Variants in MKNK2 observed in about 807,000 individuals in gnomAD.
MKNK2 encodes MAPK interacting serine/threonine kinase 2, also known as MAP kinase-interacting serine/threonine-protein kinase 2.
In MKNK2, 54 loss-of-function variants were observed where a neutral mutation model predicts 55.0. The ratio of observed to expected loss-of-function variants is 0.98; its 90% confidence interval spans 0.79 to 1.23. The LOEUF is 1.23. Ranked by LOEUF, MKNK2 falls within the 50% of genes most tolerant of loss-of-function variation. MKNK2 has a pLI of 0.00. For synonymous variants in MKNK2, 323 were observed against 256.0 expected, an observed-to-expected ratio of 1.26 and a Z score of -2.50; for missense variants, 685 against 632.1, an observed-to-expected ratio of 1.08 and a Z score of -0.90.
chr19:2,049,972 C>T (rs918895046), intron 2 of MKNK2, among the ~76,000 whole-genome samples: 1 of 152,188 alleles, frequency 6.6e-6, no homozygotes, highest in Non-Finnish European at 1.5e-5. Flanking sequence ...CCAGTCCTGC[C>T]TTCCCTACCG....
Position 2,042,426 on chromosome 19 carries a change from C to G in MKNK2, c.750+1G>C. The stretch of plus-strand genomic sequence containing the variant: ...CCCCAGCCCTCCCCGCGGGCCCTCA[C>G]CGGAGTGAGCAGCTCCGGGGTGGAG... On this transcript the variant is annotated splice_donor_variant, in intron 10 of 13. Transcript: ENST00000250896. LOFTEE classifies it high-confidence loss of function. 1 of 1,572,384 alleles carries G rather than the reference C, an allele frequency of 6.4e-7. No homozygotes were observed. The highest frequency in any genetic ancestry group is 8.6e-7 in the Non-Finnish European group (1 of 1,160,108).
chr19:2,046,377 G>C lies in MKNK2; in HGVS notation c.231C>G (p.Gly77=). ...KRGRATDSFS[G]RFEDVYQLQE... ...GCCATCCCCGCTCACCTTCAAACCT[G>C]CCCGAGAAGCTGTCGGTGGCCCGGC... The change falls in exon 4 of 14, where the codon GGC becomes GGG. Residue 77 remains glycine (G), a synonymous_variant. Coordinates refer to ENST00000250896, the MANE Select transcript of MKNK2 (RefSeq NM_199054.3). 2 of 1,607,840 alleles carry C rather than the reference G, an allele frequency of 1.2e-6. No homozygotes were observed. Among genetic ancestry groups the C allele is most frequent in the Non-Finnish European group, 1.7e-6 (2 of 1,179,770 alleles).
rs565741767 is a variant in MKNK2, at chr19:2,041,960, G to C, written c.825C>G (p.Arg275=). Residue 275 remains arginine (R), a synonymous_variant, in exon 11 of 14, where the codon CGC becomes CGG. Transcript: ENST00000250896. Reference sequence around the variant, plus strand: ...TGACGCCCAGGCTCCACAGGTCGCAGCGCTTGTCGTAGATGCTAGCCTCCT... The same window carrying C: ...TGACGCCCAGGCTCCACAGGTCGCACCGCTTGTCGTAGATGCTAGCCTCCT... ...FSEEASIYDK[R]CDLWSLGVIL... The C allele has an allele frequency of 6.4e-7, 1 of 1,561,966 alleles. No individual in the cohort carries two copies. Among genetic ancestry groups the C allele is most frequent in the Admixed American group, 1.9e-5 (1 of 52,240 alleles).
intron 2 of MKNK2, among the ~76,000 whole-genome samples, chr19:2,050,151 G>T (rs563030737): frequency 1.1e-4 from 17 of 152,148 alleles, no homozygotes; most frequent in Non-Finnish European, 1.9e-4. Flanking sequence ...TCTGAAACCA[G>T]CACTCAACAG....
chr19:2,048,454 A>G lies in MKNK2; in HGVS notation c.52-1763T>C, dbSNP rs542288726. 3.3e-5 allele frequency among the ~76,000 whole-genome samples: 5 copies of G among 152,032 alleles called. No individual in the cohort carries two copies. In the South Asian group the frequency reaches 1.0e-3, roughly 32 times the overall value. ...ACCGAGGCCCGGTCAGGTTCCTTGT[A>G]CCACTGAGCTCTCACTCAGCTTCAC... is the stretch of plus-strand genomic sequence containing the variant. On this transcript the variant is annotated intron_variant, in intron 2 of 13. Coordinates refer to ENST00000250896, the MANE Select transcript of MKNK2 (RefSeq NM_199054.3).
chr19:2,037,631 G>A lies in MKNK2; in HGVS notation c.*1982C>T, dbSNP rs897836195. Reference sequence around the variant, plus strand: ...CCCCCACTTTAAAAAAACTTTTGAGGTTTTTTTTTTTTTTTTGTCTTTTAA... The same window carrying A: ...CCCCCACTTTAAAAAAACTTTTGAGATTTTTTTTTTTTTTTTGTCTTTTAA... On this transcript the variant is annotated 3_prime_UTR_variant, in exon 14 of 14. Transcript: ENST00000250896. 1.7e-6 allele frequency: 1 copy of A among 591,254 alleles called. No individual in the cohort carries two copies. Among genetic ancestry groups the A allele is most frequent in the Non-Finnish European group, 2.5e-6 (1 of 407,604 alleles). The allele number at this position is 591,254 out of a possible 1,614,324, so 36.6% of individuals were successfully genotyped here.
intron 6 of MKNK2, 93 bp from the exon 7 acceptor site, chr19:2,043,290 G>T: frequency 8.7e-7 from 1 of 1,152,228 alleles, no homozygotes; most frequent in Non-Finnish European, 1.3e-6. Flanking sequence ...CCCTCTTGGT[G>T]CTGGCCTGTC....
In MKNK2 at chr19:2,039,064, C is replaced by T; in HGVS notation, c.*549G>A. ...TGCCTGCCACCTGCCTGCCTGACAC[C>T]TCCAGAGACAGGCAGCCCCTCCCTT... On this transcript the variant is annotated 3_prime_UTR_variant, in exon 14 of 14. Transcript: ENST00000250896. 9 of 986,916 alleles carry T rather than the reference C, an allele frequency of 9.1e-6. No individual in the cohort carries two copies. The highest frequency in any genetic ancestry group is 1.1e-5 in the Non-Finnish European group (9 of 830,694). The allele number at this position is 986,916 out of a possible 1,614,324, so 61.1% of individuals were successfully genotyped here.
rs1470866009 is a variant in MKNK2 at position 2,042,762 on chromosome 19, C to T, written c.598+4G>A. On this transcript the variant is annotated splice_donor_region_variant and intron_variant, in intron 8 of 13. Coordinates refer to ENST00000250896, the MANE Select transcript of MKNK2 (RefSeq NM_199054.3). ...AGGAGACTCCGGGCGGGGTCACCAC[C>T]TACCTTTGTTATGCAGAAAGTCCAA... The T allele has an allele frequency of 6.4e-7, 1 of 1,568,794 alleles. No homozygotes were observed. The highest frequency in any genetic ancestry group is 2.3e-5 in the East Asian group (1 of 42,776).
At chr19:2,041,709 G>C in intron 11 of MKNK2, 131 bp downstream of exon 11, 1 of 685,702 alleles carries the variant, frequency 1.5e-6, no homozygotes, top group East Asian at 3.0e-5. Flanking sequence ...CCGAGGGTTA[G>C]GGGGTGGTCA....
At chr19:2,041,600 G>C (rs1040502627) in intron 11 of MKNK2, among the ~76,000 whole-genome samples, 1 of 152,154 alleles carries the variant, frequency 6.6e-6, no homozygotes, top group African/African-American at 2.4e-5. Flanking sequence ...CTGCCCTGTG[G>C]ATGGCATCAG....
Position 2,042,811 on chromosome 19 carries a change from C to G in MKNK2, c.553G>C (p.Val185Leu), listed in dbSNP as rs747255365. The change falls in exon 8 of 14, where the codon GTG becomes CTG. Residue 185 changes from valine (V) to leucine (L), a missense_variant. By Grantham distance (32) the Val-to-Leu change is conservative. Coordinates refer to ENST00000250896, the MANE Select transcript of MKNK2 (RefSeq NM_199054.3). ...AAGGCGCTGGCCACGTCCTGCACCA[C>G]CACGCTGGCCTCCAGCTCGTTGAAG... ...RHFNELEASV[V>L]VQDVASALDF... is the part of the protein sequence containing the mutation. 12 of 1,581,454 alleles carry G rather than the reference C, an allele frequency of 7.6e-6. No individual in the cohort carries two copies. Among genetic ancestry groups the G allele is most frequent in the Non-Finnish European group, 1.0e-5 (12 of 1,163,038 alleles).
chr19:2,038,454 GC>G lies in MKNK2; in HGVS notation c.*1158del. On this transcript the variant is annotated 3_prime_UTR_variant, in exon 14 of 14. Transcript: ENST00000250896. ...CGGGGAGGGGGCAGCAGGCTCCGCA[GC>G]CCCCGGGGGTTGGAGCATGGAGGGT... 1 of 985,264 alleles carries G rather than the reference GC, an allele frequency of 1.0e-6. No individual in the cohort carries two copies. Among genetic ancestry groups the G allele is most frequent in the Non-Finnish European group, 1.2e-6 (1 of 829,692 alleles). 61.0% of individuals were successfully genotyped at this position (985,264 alleles called of 1,614,324 possible). A position where few individuals can be genotyped will look rare whatever the true frequency, so the allele number is the denominator to read the frequency against.
At position 2,038,389 on chromosome 19, in the gene MKNK2, C is replaced by A. The variant is rs1341801572; in HGVS notation, c.*1224G>T. ...GCGGTGACCCTAGCCGCGCGCACTT[C>A]TAAAGTGGAACCCTGTATTGCATAG... On this transcript the variant is annotated 3_prime_UTR_variant, in exon 14 of 14. Coordinates refer to ENST00000250896, the MANE Select transcript of MKNK2 (RefSeq NM_199054.3). The A allele has an allele frequency of 5.1e-6, 5 of 985,924 alleles. No homozygotes were observed. The highest frequency in any genetic ancestry group is 1.7e-5 in the African/African-American group (1 of 57,148). 61.1% of individuals were successfully genotyped at this position (985,924 alleles called of 1,614,324 possible). A position where few individuals can be genotyped will look rare whatever the true frequency, so the allele number is the denominator to read the frequency against.
rs144045684 is a variant in MKNK2, at chr19:2,043,088, C to T, written c.493+36G>A. On this transcript the variant is annotated intron_variant, in intron 7 of 13. Transcript: ENST00000250896. ...GCCCCCATCCCGTAATACCTCCCAG[C>T]TCCCTCCCTCCTCACAGCCTGGAGC... 2.5e-4 allele frequency: 395 copies of T among 1,565,830 alleles called. 4 individuals carry two copies. The East Asian group carries it at 6.7e-3, about 27-fold the overall frequency.
At position 2,042,264 on chromosome 19, in the gene MKNK2, T is replaced by G. The variant is rs1026422451; in HGVS notation, c.750+163A>C. 16 of 757,646 alleles carry G rather than the reference T, an allele frequency of 2.1e-5. No individual in the cohort carries two copies. The East Asian group carries it at 3.2e-4, about 15-fold the overall frequency. The allele number at this position is 757,646 out of a possible 1,614,324, so 46.9% of individuals were successfully genotyped here. ...CCAAACACCGACGCGTTGGGGCGCCTGCTCGAGGCCCCGCCGCGACACCCC... is the reference window on the plus strand; with the variant it reads ...CCAAACACCGACGCGTTGGGGCGCCGGCTCGAGGCCCCGCCGCGACACCCC... On this transcript the variant is annotated intron_variant, in intron 10 of 13. Coordinates refer to ENST00000250896, the MANE Select transcript of MKNK2 (RefSeq NM_199054.3).
intron 2 of MKNK2, among the ~76,000 whole-genome samples, chr19:2,047,933 ACCTACGCC>A (rs2017033821): frequency 6.6e-6 from 1 of 151,880 alleles, no homozygotes; most frequent in East Asian, 1.9e-4. Context: ...AGCTCTGTGC[ACCTACGCC>A]CCCGCCACCC....
At chr19:2,043,975 C>CAAAAAA (rs34533507) in intron 5 of MKNK2, among the ~76,000 whole-genome samples, 1 of 23,850 alleles carries the variant, frequency 4.2e-5, no homozygotes, top group African/African-American at 1.5e-4. Flanking sequence ...GACTTCGCCT[C>CAAAAAA]AAAAAAAAAA....
At position 2,051,218 on chromosome 19, in the gene MKNK2, C is replaced by G. The variant is rs983525470; in HGVS notation, c.-219G>C. ...CCGCCGCCAGCGCGGACCCCTCTACCTGGGCCACCGCCGCTGAGAGGAGCC... is the reference window on the plus strand; with the variant it reads ...CCGCCGCCAGCGCGGACCCCTCTACGTGGGCCACCGCCGCTGAGAGGAGCC... On this transcript the variant is annotated 5_prime_UTR_variant, in exon 1 of 14. Transcript: ENST00000250896. 1 of 153,746 alleles carries G rather than the reference C, an allele frequency of 6.5e-6. No individual in the cohort carries two copies. The highest frequency in any genetic ancestry group is 1.8e-4 in the South Asian group (1 of 5,662). The allele number at this position is 153,746 out of a possible 1,614,324, so 9.5% of individuals were successfully genotyped here. A position where few individuals can be genotyped will look rare whatever the true frequency, so the allele number is the denominator to read the frequency against.
Sources: allele counts gnomAD v4.1 joint callset (sites outside exome capture counted in the v4.1 genomes callset), GRCh38; gene constraint gnomAD v4.1.1; transcripts MANE v1.5; gene names NCBI Gene and HGNC (gene_info 2026-07-23, HGNC 2026-07-21).